Variants in STK10 observed in about 807,000 individuals in gnomAD.
STK10 encodes serine/threonine-protein kinase 10.
Under a neutral mutation model 113.8 loss-of-function variants are expected in STK10, and 78 were observed. The ratio of observed to expected loss-of-function variants is 0.69; its 90% confidence interval spans 0.57 to 0.83. The LOEUF is 0.83. Ranked by LOEUF, STK10 falls within the 40% of genes least tolerant of loss-of-function variation. The pLI, the probability that STK10 is intolerant of heterozygous loss-of-function variation, is 0.00. For missense variants in STK10, 1,109 were observed against 1,280.1 expected, an observed-to-expected ratio of 0.87 and a Z score of 2.04; for synonymous variants, 465 against 494.7, an observed-to-expected ratio of 0.94 and a Z score of 0.80.
In STK10 at chr5:172,082,598, G is replaced by A. The variant is rs1344807462; in HGVS notation, c.1810-93C>T. ...GGAATGGGGAGAACTCAGAGCTTGT[G>A]ATCAGACCTAAGCTTGAATCCCAGC... On this transcript the variant is annotated intron_variant, in intron 11 of 18. Coordinates refer to ENST00000176763, the MANE Select transcript of STK10 (RefSeq NM_005990.4). This position sits in a 1 kb window ranked among gnomAD's most constrained non-coding sequence, Gnocchi z 4.3. 1 of 1,443,750 alleles carries A rather than the reference G, an allele frequency of 6.9e-7. No homozygotes were observed. The highest frequency in any genetic ancestry group is 9.3e-7 in the Non-Finnish European group (1 of 1,079,110). 89.4% of individuals were successfully genotyped at this position (1,443,750 alleles called of 1,614,324 possible).
At chr5:172,160,937 G>A (rs1400401956) in intron 1 of STK10, among the ~76,000 whole-genome samples, 2 of 152,166 alleles carry the variant, frequency 1.3e-5, no homozygotes, top group East Asian at 1.9e-4. Flanking sequence ...CCACTTAGAA[G>A]TCTCTAAGAC....
At chr5:172,180,192 G>A (rs1191223057) in intron 1 of STK10, among the ~76,000 whole-genome samples, 1 of 152,244 alleles carries the variant, frequency 6.6e-6, no homozygotes, top group African/African-American at 2.4e-5. Context: ...GGCCGGGCGT[G>A]GTGGCTCACG....
chr5:172,174,562 G>T (rs1010464722), intron 1 of STK10, among the ~76,000 whole-genome samples: 3 of 152,150 alleles, frequency 2.0e-5, no homozygotes, highest in African/African-American at 7.2e-5. Context: ...TGTCCTCAGG[G>T]ACTTCACATC....
At chr5:172,078,496 A>T (rs115670710) in intron 12 of STK10, among the ~76,000 whole-genome samples, 1,527 of 151,698 alleles carry the variant, frequency 0.01, 27 homozygotes, top group African/African-American at 0.033. Flanking sequence ...TCCTACAAAA[A>T]TTTTTTTAAA....
rs574594721 is a variant in STK10 at position 172,052,733 on chromosome 5, C to T, written c.2766+196G>A. On this transcript the variant is annotated intron_variant, in intron 18 of 18. Transcript: ENST00000176763. ...GGGAGCTAAACAAGAGGCTGCCCTT[C>T]CAGAGGTGGAAGCTGCAGGGCGTTC... Among the ~76,000 whole-genome samples, 50 of 152,314 alleles carry T rather than the reference C, an allele frequency of 3.3e-4. No homozygotes were observed. In the Middle Eastern group the frequency reaches 0.01, roughly 31 times the overall value.
intron 7 of STK10, among the ~76,000 whole-genome samples, chr5:172,102,034 G>A (rs966466760): frequency 6.6e-5 from 10 of 152,114 alleles, no homozygotes; most frequent in Non-Finnish European, 1.5e-4. Flanking sequence ...AGAGTGAAAC[G>A]GGAGCCACTG....
chr5:172,057,163 C>G (rs1767824037), intron 15 of STK10, 186 bp downstream of exon 15: 2 of 725,118 alleles, frequency 2.8e-6, no homozygotes, highest in Admixed American at 5.5e-5. Flanking sequence ...ATTCCTAGCC[C>G]CTTGAGCTGA....
Position 172,107,844 on chromosome 5 carries a change from CAA to C in STK10, c.527_528del (p.Phe176TrpfsTer31). 1 of 1,614,056 alleles carries C rather than the reference CAA, an allele frequency of 6.2e-7. No individual in the cohort carries two copies. Among genetic ancestry groups the C allele is most frequent in the Non-Finnish European group, 8.5e-7 (1 of 1,179,968 alleles). On this transcript the variant is annotated frameshift_variant, in exon 5 of 19. Transcript: ENST00000176763. LOFTEE classifies it high-confidence loss of function. ...TLEGDIRLAD[F>X]GVSAKNLKTL... Reference sequence around the variant, plus strand: ...GTCTTCAGATTCTTGGCAGACACACCAAAGTCAGCTGCAAGACAAAATCTCAG... The same window carrying C: ...GTCTTCAGATTCTTGGCAGACACACCAGTCAGCTGCAAGACAAAATCTCAG...
chr5:172,080,497 A>C (rs1227600594), intron 12 of STK10, among the ~76,000 whole-genome samples: 1 of 152,266 alleles, frequency 6.6e-6, no homozygotes, highest in Non-Finnish European at 1.5e-5. Context: ...GCAAAGAAAA[A>C]GTTCTTGAAA....
intron 7 of STK10, among the ~76,000 whole-genome samples, chr5:172,103,557 G>A (rs1769039723): frequency 6.6e-6 from 1 of 152,062 alleles, no homozygotes; most frequent in African/African-American, 2.4e-5. Flanking sequence ...CAAGCGGCTT[G>A]GACAGTGACA....
At position 172,187,816 on chromosome 5, in the gene STK10, G is replaced by C; in HGVS notation, c.156+71C>G. The C allele has an allele frequency of 1.9e-6, 3 of 1,568,982 alleles. No individual in the cohort carries two copies. On this transcript the variant is annotated intron_variant, in intron 1 of 18. Coordinates refer to ENST00000176763, the MANE Select transcript of STK10 (RefSeq NM_005990.4). The surrounding 1 kb of genome is among the most constrained non-coding windows in gnomAD (Gnocchi z 4.6). ...TCGGAGCCGGAGCCAGGCTGGCCGG[G>C]TCCGGCTCAGGCATCCCTTCCTTCC...
intron 2 of STK10, among the ~76,000 whole-genome samples, chr5:172,128,962 A>G (rs1315805661): frequency 6.6e-6 from 1 of 152,154 alleles, no homozygotes; most frequent in Non-Finnish European, 1.5e-5. Context: ...TATGACCCTG[A>G]GGTCATGTGG....
intron 13 of STK10, among the ~76,000 whole-genome samples, chr5:172,063,896 C>T (rs1167682040): frequency 6.6e-6 from 1 of 152,258 alleles, no homozygotes; most frequent in Admixed American, 6.5e-5. Context: ...GGAAGCAGAA[C>T]ACACAAAGAC....
intron 3 of STK10, among the ~76,000 whole-genome samples, chr5:172,119,038 AGAGAGGCCG>A (rs1157867214): frequency 6.6e-6 from 1 of 152,066 alleles, no homozygotes; most frequent in Non-Finnish European, 1.5e-5. Flanking sequence ...CGGAAGGGCC[AGAGAGGCCG>A]GAGGGCTGGT....
intron 10 of STK10, among the ~76,000 whole-genome samples, chr5:172,089,635 T>C (rs905926432): frequency 1.3e-5 from 2 of 151,964 alleles, no homozygotes; most frequent in East Asian, 1.9e-4. Flanking sequence ...GATAAACAGA[T>C]GGATAATTCG....
chr5:172,096,228 T>C (rs1768850680), intron 8 of STK10, among the ~76,000 whole-genome samples, 198 bp downstream of exon 8: 1 of 152,224 alleles, frequency 6.6e-6, no homozygotes, highest in African/African-American at 2.4e-5. Flanking sequence ...GATCGGGATC[T>C]GGCCAACACC....
intron 12 of STK10, among the ~76,000 whole-genome samples, chr5:172,079,449 G>A (rs1182918463): frequency 6.6e-6 from 1 of 152,094 alleles, no homozygotes; most frequent in Non-Finnish European, 1.5e-5. Context: ...TCCCTAGCAT[G>A]TTGGCAACTG....
At chr5:172,051,391 G>A (rs554676370) in intron 18 of STK10, among the ~76,000 whole-genome samples, 3 of 151,796 alleles carry the variant, frequency 2.0e-5, no homozygotes, top group African/African-American at 4.8e-5. Context: ...TTGGGAGGCC[G>A]AGGGGGGCGG....
rs1274041817 is a variant in STK10 at position 172,082,046 on chromosome 5, G to A, written c.1989+280C>T. Among the ~76,000 whole-genome samples the A allele has an allele frequency of 2.0e-5, 3 of 152,190 alleles. No individual in the cohort carries two copies. Among genetic ancestry groups the A allele is most frequent in the African/African-American group, 4.8e-5 (2 of 41,532 alleles). Reference sequence around the variant, plus strand: ...CCTTCCTTCTTCCCCGCTCTTTCTCGGCAGGGGTTGCTAAGCTGGGAGGAT... The same window carrying A: ...CCTTCCTTCTTCCCCGCTCTTTCTCAGCAGGGGTTGCTAAGCTGGGAGGAT... On this transcript the variant is annotated intron_variant, in intron 12 of 18. Coordinates refer to ENST00000176763, the MANE Select transcript of STK10 (RefSeq NM_005990.4). This position sits in a 1 kb window ranked among gnomAD's most constrained non-coding sequence, Gnocchi z 4.3.
Sources: gnomAD v4.1 joint callset for allele counts (sites outside exome capture counted in the v4.1 genomes callset) on GRCh38, gnomAD v4.1.1 for gene constraint, Gnocchi (gnomAD v3.1) non-coding constraint, MANE v1.5 for transcripts, NCBI Gene and HGNC (gene_info 2026-07-23, HGNC 2026-07-21) for gene names.